SPON1: variants seen among roughly 807,000 people sequenced by gnomAD.
SPON1 encodes spondin-1.
SPON1 carries 52 observed loss-of-function variants against 111.7 expected under a neutral mutation model. That is an observed-to-expected ratio of 0.47 (90% CI 0.37 to 0.59). The LOEUF (loss-of-function observed/expected upper bound fraction) is 0.59, where lower values mean the gene tolerates loss of function less well. SPON1 is among the 20% of genes least tolerant of loss of function. The pLI, the probability that SPON1 is intolerant of heterozygous loss-of-function variation, is 0.00. For synonymous variants in SPON1, 410 were observed against 395.8 expected (o/e 1.04, Z -0.43); for missense variants, 957 against 1,068.5 (o/e 0.90, Z 1.46).
chr11:14,112,335 C>T (rs1554925542), intron 5 of SPON1, among the ~76,000 whole-genome samples: 1 of 152,214 alleles, frequency 6.6e-6, no homozygotes. Flanking sequence ...AAGAGTTTAG[C>T]AACCCAGCAT....
At chr11:14,102,080 G>A (rs995980794) in intron 5 of SPON1, among the ~76,000 whole-genome samples, 5 of 152,002 alleles carry the variant, frequency 3.3e-5, no homozygotes, top group African/African-American at 1.2e-4. Flanking sequence ...GAATGTTTTT[G>A]TAATATTTTG....
chr11:14,231,946 CT>C (rs1273541343), intron 6 of SPON1, among the ~76,000 whole-genome samples: 190 of 108,122 alleles, frequency 1.8e-3, no homozygotes, highest in Admixed American at 7.2e-3. Context: ...TAGGGTCATT[CT>C]TTTTGTTTCT....
intron 6 of SPON1, among the ~76,000 whole-genome samples, chr11:14,209,304 C>T (rs1424690516): frequency 6.6e-6 from 1 of 152,034 alleles, no homozygotes; most frequent in Non-Finnish European, 1.5e-5. Flanking sequence ...GATACATGTG[C>T]AGAACGTTCA....
intron 7 of SPON1, among the ~76,000 whole-genome samples, chr11:14,248,457 A>T (rs1849017641): frequency 6.6e-6 from 1 of 152,086 alleles, no homozygotes; most frequent in Non-Finnish European, 1.5e-5. Flanking sequence ...TACCCCTCAG[A>T]CTTCCTGAGG....
At chr11:14,105,293 T>C (rs1406038332) in intron 5 of SPON1, among the ~76,000 whole-genome samples, 1 of 152,142 alleles carries the variant, frequency 6.6e-6, no homozygotes, top group Non-Finnish European at 1.5e-5. Flanking sequence ...TCCAGAGCAC[T>C]CCATTCTCCA....
At position 14,147,751 on chromosome 11, in the gene SPON1, C is replaced by CTTT. The variant is rs66888680; in HGVS notation, c.825+12194_825+12196dup. 2.7e-4 allele frequency among the ~76,000 whole-genome samples: 39 copies of CTTT among 145,748 alleles called. 1 individual carries two copies. Among genetic ancestry groups the CTTT allele is most frequent in the Admixed American group, 4.8e-4 (7 of 14,620 alleles). ...TTTTAAGTAGTGGAAAATACTAAGA[C>CTTT]TTTTTTTTTTTTTGAGAGGAGTCTC... On this transcript the variant is annotated intron_variant, in intron 6 of 15. Coordinates refer to ENST00000576479, the MANE Select transcript of SPON1 (RefSeq NM_006108.4).
At position 14,110,870 on chromosome 11, in the gene SPON1, G is replaced by A. The variant is rs114169795; in HGVS notation, c.677-24550G>A. Among the ~76,000 whole-genome samples, 272 of 152,312 alleles carry A rather than the reference G, an allele frequency of 1.8e-3. 1 individual carries two copies. Among genetic ancestry groups the A allele is most frequent in the African/African-American group, 6.2e-3 (257 of 41,570 alleles). ...CATTCTTCAATCCAGTCAAGTTGAC[G>A]TCTAATATTCACTGTCACACCTGCC... On this transcript the variant is annotated intron_variant, in intron 5 of 15. Transcript: ENST00000576479.
intron 6 of SPON1, among the ~76,000 whole-genome samples, chr11:14,236,440 G>A (rs1848868224): frequency 6.6e-6 from 1 of 152,168 alleles, no homozygotes; most frequent in Non-Finnish European, 1.5e-5. Context: ...TTTGGTTTCA[G>A]GCACGTTGTT....
intron 6 of SPON1, among the ~76,000 whole-genome samples, chr11:14,220,622 A>T (rs1554937512): frequency 6.6e-6 from 1 of 152,244 alleles, no homozygotes; most frequent in African/African-American, 2.4e-5. Context: ...ATATAGCATC[A>T]TAAAATATAA....
At chr11:14,265,456 T>C in intron 15 of SPON1, 68 bp from the exon 16 acceptor site, 1 of 1,516,010 alleles carries the variant, frequency 6.6e-7, no homozygotes, top group Non-Finnish European at 8.9e-7. Flanking sequence ...TTCACAGTTC[T>C]ACTAGAGTTC....
chr11:14,082,460 A>C (rs1456681199), intron 5 of SPON1, among the ~76,000 whole-genome samples: 1 of 152,208 alleles, frequency 6.6e-6, no homozygotes, highest in Admixed American at 6.5e-5. Flanking sequence ...CTAGACCAAG[A>C]AGTCCTCCAG....
chr11:14,220,703 G>A (rs112726879), intron 6 of SPON1, among the ~76,000 whole-genome samples: 1,764 of 152,232 alleles, frequency 0.012, 18 homozygotes, highest in Non-Finnish European at 0.019. Flanking sequence ...TAAATATGAG[G>A]GTGAGCTGAT....
intron 6 of SPON1, among the ~76,000 whole-genome samples, chr11:14,187,474 T>A (rs1027026355): frequency 2.6e-5 from 4 of 152,160 alleles, no homozygotes; most frequent in Admixed American, 6.5e-5. Flanking sequence ...ATAGGATATT[T>A]TACTCTAGGC....
intron 5 of SPON1, among the ~76,000 whole-genome samples, chr11:14,111,907 A>G (rs1849229464): frequency 6.6e-6 from 1 of 152,152 alleles, no homozygotes; most frequent in African/African-American, 2.4e-5. Flanking sequence ...TAAAGTGACA[A>G]ATTGACCAAG....
chr11:14,101,201 A>G (rs948965564), intron 5 of SPON1, among the ~76,000 whole-genome samples: 7 of 152,018 alleles, frequency 4.6e-5, no homozygotes, highest in African/African-American at 1.7e-4. Context: ...GGAGTTTGAG[A>G]CCAGCCAGAC....
intron 5 of SPON1, among the ~76,000 whole-genome samples, chr11:14,115,272 G>A (rs782185277): frequency 6.6e-6 from 1 of 152,118 alleles, no homozygotes; most frequent in Non-Finnish European, 1.5e-5. Context: ...TTATTAAAAG[G>A]GAACTTTTTA....
In SPON1 at chr11:14,128,397, A is replaced by T. The variant is rs564252842; in HGVS notation, c.677-7023A>T. 1.6e-3 allele frequency among the ~76,000 whole-genome samples: 251 copies of T among 152,364 alleles called. 1 individual carries two copies. Among genetic ancestry groups the T allele is most frequent in the South Asian group, 2.5e-3 (12 of 4,830 alleles). Reference sequence around the variant, plus strand: ...TGCAAATCCAAAACCCAAGGCAGTCATTAAATCTTAAAGCTCCAAAATAAT... The same window carrying T: ...TGCAAATCCAAAACCCAAGGCAGTCTTTAAATCTTAAAGCTCCAAAATAAT... On this transcript the variant is annotated intron_variant, in intron 5 of 15. Transcript: ENST00000576479.
chr11:14,020,258 T>C (rs1268521261), intron 2 of SPON1, among the ~76,000 whole-genome samples: 1 of 151,816 alleles, frequency 6.6e-6, no homozygotes, highest in African/African-American at 2.4e-5. Flanking sequence ...GCCAAGGAAA[T>C]AGGAGAAGAA....
In SPON1 at chr11:14,012,810, C is replaced by G. The variant is rs531294280; in HGVS notation, c.346-28711C>G. Among the ~76,000 whole-genome samples the G allele has an allele frequency of 3.9e-5, 6 of 152,202 alleles. No individual in the cohort carries two copies. The South Asian group carries it at 1.3e-3, about 32-fold the overall frequency. On this transcript the variant is annotated intron_variant, in intron 2 of 15. Coordinates refer to ENST00000576479, the MANE Select transcript of SPON1 (RefSeq NM_006108.4). ...TGAGGACAAAGCATGTTTTAATCATCTTGGACTCCCCAGGGCCCAGGACAA... is the reference window on the plus strand; with the variant it reads ...TGAGGACAAAGCATGTTTTAATCATGTTGGACTCCCCAGGGCCCAGGACAA...
Sources: allele counts gnomAD v4.1 joint callset (sites outside exome capture counted in the v4.1 genomes callset), GRCh38; gene constraint gnomAD v4.1.1; transcripts MANE v1.5; gene names NCBI Gene and HGNC (gene_info 2026-07-23, HGNC 2026-07-21).